TRMT1: variants seen among roughly 807,000 people sequenced by gnomAD.
The protein encoded by TRMT1 is tRNA (guanine(26)-N(2))-dimethyltransferase.
A neutral mutation model predicts 75.4 loss-of-function variants in TRMT1; 63 were observed. The observed-to-expected ratio is 0.84, with a 90% CI of 0.68 to 1.03. TRMT1 has a LOEUF of 1.03. Ranked by LOEUF, TRMT1 falls within the 50% of genes least tolerant of loss-of-function variation. The pLI is 0.00. For missense variants in TRMT1, 870 were observed against 905.3 expected (o/e 0.96, Z 0.50); for synonymous variants, 382 against 358.1 (o/e 1.07, Z -0.75).
intron 14 of TRMT1, among the ~76,000 whole-genome samples, chr19:13,106,501 G>A (rs1323156490): frequency 1.3e-5 from 2 of 148,840 alleles, no homozygotes; most frequent in African/African-American, 2.5e-5. Flanking sequence ...CTTTTGGGAT[G>A]GAGTCTCACT....
chr19:13,108,494 C>T (rs10407727), intron 12 of TRMT1, among the ~76,000 whole-genome samples: 14,699 of 151,618 alleles, frequency 0.097, 2,290 homozygotes, highest in African/African-American at 0.33. Flanking sequence ...GGTTTCGCCA[C>T]GTTGACCGGG....
At position 13,107,701 on chromosome 19, in the gene TRMT1, G is replaced by C. The variant is rs1180268406; in HGVS notation, c.1506+50C>G. 6.4e-6 allele frequency: 10 copies of C among 1,569,088 alleles called. No homozygotes were observed. In the East Asian group the frequency reaches 2.4e-4, roughly 37 times the overall value. On this transcript the variant is annotated intron_variant, in intron 13 of 16. Transcript: ENST00000357720. ...GAATACTAGGCCCAAGGGACCTCCA[G>C]GTGACCACCACCTGCCCTCCCACCT...
Position 13,105,315 on chromosome 19 carries a change from G to A in TRMT1, c.1785C>T (p.Ala595=). ...NKRKEPPEDV[A]QRAARLKTFP... is the part of the protein sequence containing the mutation. ...ATGTCTTGAGCCGGGCAGCCCGCTGGGCCACATCTTCCGGCGGCTCCTTCC... is the reference window on the plus strand; with the variant it reads ...ATGTCTTGAGCCGGGCAGCCCGCTGAGCCACATCTTCCGGCGGCTCCTTCC... Residue 595 remains alanine, a synonymous_variant, in exon 16 of 17, where the codon GCC becomes GCT. Transcript: ENST00000357720. The A allele has an allele frequency of 1.9e-6, 3 of 1,614,094 alleles. No individual in the cohort carries two copies. Among genetic ancestry groups the A allele is most frequent in the Non-Finnish European group, 1.7e-6 (2 of 1,180,036 alleles).
intron 14 of TRMT1, among the ~76,000 whole-genome samples, chr19:13,106,170 C>T (rs898335073): frequency 6.6e-6 from 1 of 151,520 alleles, no homozygotes; most frequent in Non-Finnish European, 1.5e-5. Flanking sequence ...TTGAGCAACC[C>T]TCCTGCCTCC....
intron 14 of TRMT1, 22 bp from the exon 15 acceptor site, chr19:13,105,628 G>A (rs369120152): frequency 8.4e-6 from 13 of 1,545,580 alleles, no homozygotes; most frequent in South Asian, 2.3e-5. Flanking sequence ...GGGGTGGGGC[G>A]TTGGGGCTGG....
At chr19:13,112,482 GT>G (rs2019178650) in intron 7 of TRMT1, among the ~76,000 whole-genome samples, 1 of 152,174 alleles carries the variant, frequency 6.6e-6, no homozygotes, top group South Asian at 2.1e-4. Flanking sequence ...ATGCACTCCT[GT>G]CCTGGCCAAA....
chr19:13,105,289 A>T lies in TRMT1; in HGVS notation c.1811T>A (p.Phe604Tyr), dbSNP rs774849615. 9 of 1,613,814 alleles carry T rather than the reference A, an allele frequency of 5.6e-6. No individual in the cohort carries two copies. Among genetic ancestry groups the T allele is most frequent in the South Asian group, 3.3e-5 (3 of 91,036 alleles). The change falls in exon 16 of 17, where the codon TTT becomes TAT. Residue 604 changes from phenylalanine (F) to tyrosine (Y), a missense_variant. Phe to Tyr is a conservative substitution (Grantham distance 22). Coordinates refer to ENST00000357720, the MANE Select transcript of TRMT1 (RefSeq NM_001136035.4). ...CACCTCCTTAAACCTCTTGCAAGGA[A>T]ATGTCTTGAGCCGGGCAGCCCGCTG... ...VAQRAARLKT[F>Y]PCKRFKEGTC...
Position 13,107,584 on chromosome 19 carries a change from C to A in TRMT1, c.1573G>T (p.Val525Leu). 2 of 1,604,684 alleles carry A rather than the reference C, an allele frequency of 1.2e-6. No homozygotes were observed. Among genetic ancestry groups the A allele is most frequent in the Non-Finnish European group, 1.7e-6 (2 of 1,174,716 alleles). The change falls in exon 14 of 17, where the codon GTG becomes TTG. Residue 525 changes from valine to leucine, a missense_variant. Physicochemically the swap from Val to Leu is conservative, Grantham distance 32. Transcript: ENST00000357720. ...TGTGCTTGCCCCTACCTGGGCTCCA[C>A]ACTGAGAATGCGGAACGCTGGGCTA... Reference protein sequence around the residue: ...ETSPAFRILSVEPRLQANFTI... With the variant: ...ETSPAFRILSLEPRLQANFTI...
intron 12 of TRMT1, among the ~76,000 whole-genome samples, chr19:13,108,467 A>G (rs2018980146): frequency 6.7e-6 from 1 of 149,646 alleles, no homozygotes; most frequent in Non-Finnish European, 1.5e-5. Flanking sequence ...ATATTTTGGT[A>G]TTTTTAGTAG....
rs768583406 is a variant in TRMT1, at chr19:13,109,620, G to A, written c.1241C>T (p.Ala414Val). ...DLDFVGRVLE[A>V]VSANPGRFHT... is the part of the protein sequence containing the mutation. ...GAAGCGGCCGGGGTTAGCGCTCACA[G>A]CCTCCAGGACACGGCCCACAAAATC... Residue 414 changes from alanine to valine, a missense_variant, in exon 11 of 17, where the codon GCT becomes GTT. Transcript: ENST00000357720. 18 of 1,613,968 alleles carry A rather than the reference G, an allele frequency of 1.1e-5. No individual in the cohort carries two copies. The South Asian group carries it at 1.5e-4, about 14-fold the overall frequency.
In TRMT1 at chr19:13,116,025, G is replaced by C. The variant is rs113255353; in HGVS notation, c.282C>G (p.Arg94=). ...GGATTCCTTTGGCCCCAAGCTGAAT[G>C]CGAGCAAACTCGGTGATCACAGCAC... ...LTCAVITEFA[R]IQLGAKGIQI... Residue 94 remains arginine, a synonymous_variant, in exon 3 of 17, where the codon CGC becomes CGG. Transcript: ENST00000357720. 6.2e-7 allele frequency: 1 copy of C among 1,614,032 alleles called. No individual in the cohort carries two copies. Among genetic ancestry groups the C allele is most frequent in the Non-Finnish European group, 8.5e-7 (1 of 1,180,012 alleles).
chr19:13,107,471 A>G, intron 14 of TRMT1, 103 bp downstream of exon 14: 2 of 1,360,038 alleles, frequency 1.5e-6, no homozygotes, highest in Non-Finnish European at 2.0e-6. Flanking sequence ...CACTTGAAGA[A>G]TGGGCACGAG....
intron 12 of TRMT1, among the ~76,000 whole-genome samples, chr19:13,108,660 G>A (rs1309815668): frequency 6.6e-6 from 1 of 151,562 alleles, no homozygotes; most frequent in African/African-American, 2.4e-5. Flanking sequence ...AGGTTGATGT[G>A]CAGTGGCGCA....
At chr19:13,114,619 G>A (rs2019263450) in intron 5 of TRMT1, among the ~76,000 whole-genome samples, 2 of 152,094 alleles carry the variant, frequency 1.3e-5, no homozygotes, top group Non-Finnish European at 1.5e-5. Context: ...CCAAGATCAC[G>A]CTAGTGCACT....
chr19:13,115,342 A>G lies in TRMT1; in HGVS notation c.578T>C (p.Ile193Thr). ...GTCATTGAGCTGGACATTCCGGCGT[A>G]TGAGATCCACAGCCCGGGTGGAGGC... ...NDASTRAVDLIRRNVQLNDVA... is the reference protein window; with the variant it reads ...NDASTRAVDLTRRNVQLNDVA... Residue 193 changes from isoleucine to threonine, a missense_variant, in exon 5 of 17, where the codon ATA (isoleucine) becomes ACA (threonine). Physicochemically the swap from Ile to Thr is moderately conservative, Grantham distance 89 (BLOSUM62 -1). Coordinates refer to ENST00000357720, the MANE Select transcript of TRMT1 (RefSeq NM_001136035.4). 1 of 1,614,082 alleles carries G rather than the reference A, an allele frequency of 6.2e-7. No homozygotes were observed.
In TRMT1 at chr19:13,105,092, G is replaced by A. The variant is rs201263674; in HGVS notation, c.1834-11C>T. The A allele has an allele frequency of 6.5e-5, 103 of 1,575,492 alleles. No individual in the cohort carries two copies. In the East Asian group the frequency reaches 1.4e-3, roughly 21 times the overall value. On this transcript the variant is annotated splice_polypyrimidine_tract_variant and intron_variant, in intron 16 of 16. Transcript: ENST00000357720. ...GCGTTGACAGGTGCCCTGGTGGGAA[G>A]ATGGTGGGTGTGAACCCCTGCCCGG...
chr19:13,109,472 A>G lies in TRMT1; in HGVS notation c.1312-6T>C. The G allele has an allele frequency of 6.2e-7, 1 of 1,613,860 alleles. No homozygotes were observed. Among genetic ancestry groups the G allele is most frequent in the Non-Finnish European group, 8.5e-7 (1 of 1,179,964 alleles). On this transcript the variant is annotated splice_polypyrimidine_tract_variant and splice_region_variant and intron_variant, in intron 11 of 16. Transcript: ENST00000357720. ...AGAGGCACGTCCGGGAGCTCCTGCG[A>G]TGGGGGACAGGATGGGCATGAGTGG...
intron 8 of TRMT1, 49 bp downstream of exon 8, chr19:13,110,109 G>T (rs761433346): frequency 6.2e-7 from 1 of 1,609,394 alleles, no homozygotes. Flanking sequence ...CCAGGGCAAG[G>T]TCCTGTCTCC....
At chr19:13,109,488 G>A (rs776517080) in intron 11 of TRMT1, 22 bp from the exon 12 acceptor site, 16 of 1,613,936 alleles carry the variant, frequency 9.9e-6, no homozygotes. Context: ...GACAGGATGG[G>A]CATGAGTGGA....
Sources: allele counts gnomAD v4.1 joint callset (sites outside exome capture counted in the v4.1 genomes callset), GRCh38; gene constraint gnomAD v4.1.1; transcripts MANE v1.5; gene names NCBI Gene and HGNC (gene_info 2026-07-23, HGNC 2026-07-21).